The following BCAS1 variants were observed in gnomAD, a reference collection of about 807,000 sequenced individuals.
The protein encoded by BCAS1 is breast carcinoma-amplified sequence 1.
A neutral mutation model predicts 65.4 loss-of-function variants in BCAS1; 46 were observed. That is an observed-to-expected ratio of 0.70 (90% CI 0.55 to 0.90). The LOEUF (loss-of-function observed/expected upper bound fraction) is 0.90, where lower values mean the gene tolerates loss of function less well. Ranked by LOEUF, BCAS1 falls within the 40% of genes least tolerant of loss-of-function variation. BCAS1 has a pLI of 0.00. For synonymous variants in BCAS1, 298 were observed against 293.5 expected (o/e 1.02, Z -0.16); for missense variants, 793 against 771.2 (o/e 1.03, Z -0.33).
intron 4 of BCAS1, among the ~76,000 whole-genome samples, chr20:54,001,741 TA>T: frequency 6.6e-6 from 1 of 152,124 alleles, no homozygotes; most frequent in Non-Finnish European, 1.5e-5. Context: ...ATTTGAGTAA[TA>T]AAAAAGTTCT....
intron 12 of BCAS1, among the ~76,000 whole-genome samples, chr20:53,951,867 C>T (rs562910585): frequency 2.0e-5 from 3 of 152,250 alleles, no homozygotes; most frequent in Admixed American, 2.0e-4. Flanking sequence ...AAAGAAGAAG[C>T]TAATAAGGAA....
intron 4 of BCAS1, among the ~76,000 whole-genome samples, chr20:53,996,884 T>C (rs981359338): frequency 2.6e-5 from 4 of 152,214 alleles, no homozygotes; most frequent in Non-Finnish European, 5.9e-5. Flanking sequence ...CCATCCTCTC[T>C]GTACCACGTG....
intron 9 of BCAS1, among the ~76,000 whole-genome samples, chr20:53,973,245 C>T (rs2090230519): frequency 6.6e-6 from 1 of 152,052 alleles, no homozygotes; most frequent in African/African-American, 2.4e-5. Flanking sequence ...AACAAACAAA[C>T]ACACAAACAG....
At chr20:53,973,633 CG>C (rs1229917846) in intron 9 of BCAS1, among the ~76,000 whole-genome samples, 1 of 152,180 alleles carries the variant, frequency 6.6e-6, no homozygotes. Context: ...ACAGATTTTA[CG>C]GGCAGCTTTT....
intron 3 of BCAS1, among the ~76,000 whole-genome samples, chr20:54,040,170 C>T (rs1305559342): frequency 1.3e-5 from 2 of 151,360 alleles, no homozygotes; most frequent in Non-Finnish European, 3.0e-5. Flanking sequence ...TGCTATATTT[C>T]TATAGAATAG....
chr20:53,987,681 A>T (rs1202020107), intron 7 of BCAS1, among the ~76,000 whole-genome samples: 1 of 152,224 alleles, frequency 6.6e-6, no homozygotes, highest in East Asian at 1.9e-4. Context: ...TTCAACTGTA[A>T]TAAGTGCTAC....
chr20:53,952,992 G>GCATT (rs146555244), intron 12 of BCAS1, among the ~76,000 whole-genome samples: 117 of 151,986 alleles, frequency 7.7e-4, no homozygotes, highest in Admixed American at 1.6e-3. Context: ...AGCCAATAAT[G>GCATT]CATTCATTCA....
intron 4 of BCAS1, among the ~76,000 whole-genome samples, chr20:54,027,796 C>CA (rs2091706656): frequency 2.2e-5 from 3 of 138,256 alleles, no homozygotes; most frequent in African/African-American, 8.5e-5. Context: ...AAAAACCCCC[C>CA]AAAAAACAAA....
At chr20:53,978,075 TTCCCCTTCCTGTG>T (rs2090381544) in intron 8 of BCAS1, among the ~76,000 whole-genome samples, 1 of 128,294 alleles carries the variant, frequency 7.8e-6, no homozygotes, top group Non-Finnish European at 1.6e-5. Context: ...GAGTGTGATG[TTCCCCTTCCTGTG>T]TCCATGTGTT....
At chr20:53,983,026 G>A (rs2090520603) in intron 8 of BCAS1, among the ~76,000 whole-genome samples, 1 of 152,180 alleles carries the variant, frequency 6.6e-6, no homozygotes, top group South Asian at 2.1e-4. Flanking sequence ...AAGCTAAATA[G>A]TGGCTCAAAA....
rs1221448282 is a variant in BCAS1 at position 53,985,415 on chromosome 20, T to C, written c.1147A>G (p.Lys383Glu). The change falls in exon 8 of 13, where the codon AAG becomes GAG. Residue 383 changes from lysine (K) to glutamate (E), a missense_variant. Transcript: ENST00000688948. ...FTSQETQGAG[K>E]NSKGCNPSGH... ...GATGGGTTGCATCCTTTGGAATTCT[T>C]GCCAGCCCCTTGGGTCTCCTGGGAT... 1.2e-6 allele frequency: 2 copies of C among 1,614,044 alleles called. No individual in the cohort carries two copies. The highest frequency in any genetic ancestry group is 2.2e-5 in the East Asian group (1 of 44,888).
At chr20:54,039,926 GA>G (rs1240899564) in intron 3 of BCAS1, among the ~76,000 whole-genome samples, 2 of 151,154 alleles carry the variant, frequency 1.3e-5, no homozygotes, top group African/African-American at 2.4e-5. Context: ...ATAGAAATTG[GA>G]TCACATTAGA....
chr20:53,986,348 T>C (rs208362), intron 7 of BCAS1, among the ~76,000 whole-genome samples: 59,788 of 151,952 alleles, frequency 0.39, 13,031 homozygotes, highest in East Asian at 0.62. Context: ...TTAATTTCTA[T>C]GCTCTGCCAC....
intron 9 of BCAS1, among the ~76,000 whole-genome samples, chr20:53,969,200 A>G (rs569973374): frequency 6.7e-6 from 1 of 148,538 alleles, no homozygotes; most frequent in Admixed American, 6.7e-5. Context: ...AATTGCATAC[A>G]CATCAGAAAG....
intron 1 of BCAS1, among the ~76,000 whole-genome samples, chr20:54,065,101 GTATCTATCTATCATC>G (rs905411058): frequency 2.1e-5 from 3 of 146,034 alleles, no homozygotes; most frequent in Non-Finnish European, 3.0e-5. Context: ...TTTATGATGA[GTATCTATCTATCATC>G]TATCTATCTA....
Position 54,024,242 on chromosome 20 carries a change from T to C in BCAS1, c.723+4150A>G, listed in dbSNP as rs148603997. Among the ~76,000 whole-genome samples the C allele has an allele frequency of 8.0e-3, 1,222 of 152,298 alleles. 6 individuals are homozygous for C. Among genetic ancestry groups the C allele is most frequent in the South Asian group, 0.042 (204 of 4,816 alleles). On this transcript the variant is annotated intron_variant, in intron 4 of 12. Coordinates refer to ENST00000688948, the MANE Select transcript of BCAS1 (RefSeq NM_001366298.2). Reference sequence around the variant, plus strand: ...ATGTTTAATTCACTACTAAATACCATGTAGGAAAGGACTCTGGAGACCTTA... The same window carrying C: ...ATGTTTAATTCACTACTAAATACCACGTAGGAAAGGACTCTGGAGACCTTA...
chr20:53,993,502 A>G (rs991798417), intron 6 of BCAS1, among the ~76,000 whole-genome samples: 3 of 152,210 alleles, frequency 2.0e-5, no homozygotes, highest in African/African-American at 7.2e-5. Flanking sequence ...GTGACCCCAC[A>G]GCTTCCTGGG....
At chr20:53,985,869 C>T (rs1436857812) in intron 7 of BCAS1, among the ~76,000 whole-genome samples, 1 of 152,120 alleles carries the variant, frequency 6.6e-6, no homozygotes, top group Non-Finnish European at 1.5e-5. Context: ...TTTTGAATTT[C>T]CACCTTCAAT....
Position 53,953,424 on chromosome 20 carries a change from C to A in BCAS1, c.1815+8G>T, listed in dbSNP as rs1568803336. The A allele has an allele frequency of 6.2e-7, 1 of 1,612,310 alleles. No individual in the cohort carries two copies. Among genetic ancestry groups the A allele is most frequent in the Non-Finnish European group, 8.5e-7 (1 of 1,179,244 alleles). On this transcript the variant is annotated splice_region_variant and intron_variant, in intron 12 of 12. Coordinates refer to ENST00000688948, the MANE Select transcript of BCAS1 (RefSeq NM_001366298.2). ...CCCAGAAAGAAGAGGCAAAAAAAAT[C>A]CACCTACCAGGCCTTTAAAGAAGCC...
Sources: allele counts gnomAD v4.1 joint callset (sites outside exome capture counted in the v4.1 genomes callset), GRCh38; gene constraint gnomAD v4.1.1; transcripts MANE v1.5; gene names NCBI Gene and HGNC (gene_info 2026-07-23, HGNC 2026-07-21).